NOTCH2: variants seen among roughly 807,000 people sequenced by gnomAD.
The protein encoded by NOTCH2 is neurogenic locus notch homolog protein 2.
NOTCH2 carries 29 observed loss-of-function variants against 235.8 expected under a neutral mutation model. That is an observed-to-expected ratio of 0.12 (90% CI 0.09 to 0.17). The LOEUF (loss-of-function observed/expected upper bound fraction) is 0.17. Ranked by LOEUF, NOTCH2 falls within the 10% of genes least tolerant of loss-of-function variation. The pLI, the probability that NOTCH2 is intolerant of heterozygous loss-of-function variation, is 1.00. For missense variants in NOTCH2, 2,285 were observed against 3,150.2 expected, an observed-to-expected ratio of 0.73 and a Z score of 6.57; for synonymous variants, 1,086 against 1,141.5, an observed-to-expected ratio of 0.95 and a Z score of 0.98.
intron 22 of NOTCH2, among the ~76,000 whole-genome samples, chr1:119,934,333 T>G (rs1649772849): frequency 6.6e-6 from 1 of 152,148 alleles, no homozygotes; most frequent in South Asian, 2.1e-4. Context: ...AATAAATTAC[T>G]TAGTCTCAGG....
chr1:119,929,318 T>C, intron 22 of NOTCH2, 106 bp from the exon 23 acceptor site: 2 of 894,342 alleles, frequency 2.2e-6, no homozygotes, highest in East Asian at 2.5e-5. Context: ...CAGAGTATAC[T>C]CCTCAACTGG....
In NOTCH2 at chr1:119,921,823, A is replaced by G. The variant is rs1371004032; in HGVS notation, c.5214-14T>C. 6 of 1,598,102 alleles carry G rather than the reference A, an allele frequency of 3.8e-6. No individual in the cohort carries two copies. The highest frequency in any genetic ancestry group is 2.2e-5 in the South Asian group (2 of 90,740). ...ACTGAGAGATTTCTAATATGATTAT[A>G]AAAAGAAAAAATAAGAATGGCAGTC... On this transcript the variant is annotated splice_polypyrimidine_tract_variant and intron_variant, in intron 28 of 33. Transcript: ENST00000256646.
intron 3 of NOTCH2, among the ~76,000 whole-genome samples, chr1:120,001,792 T>C (rs1352033861): frequency 3.9e-5 from 6 of 152,208 alleles, no homozygotes; most frequent in African/African-American, 1.2e-4. Context: ...CCACACAGCA[T>C]TGCCTCTAAC....
At position 119,981,067 on chromosome 1, in the gene NOTCH2, C is replaced by G. The variant is rs1570712871; in HGVS notation, c.874+5893G>C. 2.0e-5 allele frequency among the ~76,000 whole-genome samples: 3 copies of G among 152,164 alleles called. No homozygotes were observed. In the South Asian group the frequency reaches 6.2e-4, roughly 31 times the overall value. On this transcript the variant is annotated intron_variant, in intron 5 of 33. Transcript: ENST00000256646. ...GACACATTCCATGGTAACCCTGAGT[C>G]TCTCGTCCCTGCCTGTATTCTGAGC...
chr1:119,924,735 G>A (rs950041243), intron 25 of NOTCH2, among the ~76,000 whole-genome samples: 4 of 152,200 alleles, frequency 2.6e-5, no homozygotes. Context: ...TTGGGCCTAA[G>A]TTCTCTCACC....
rs3899528 is a variant in NOTCH2, at chr1:119,997,068, G to T, written c.680C>A (p.Pro227His). 1 of 1,614,008 alleles carries T rather than the reference G, an allele frequency of 6.2e-7. No individual in the cohort carries two copies. ...GGTGCCTCCATTGACACAAGGTGAG[G>T]GTGCACAGGGCACATACAGGCTGTC... ...YCDSLYVPCA[P>H]SPCVNGGTCR... The change falls in exon 4 of 34, where the codon CCC becomes CAC. Residue 227 changes from proline (P) to histidine (H), a missense_variant. Around this residue, in one of 6 missense-constraint regions of NOTCH2, gnomAD observed 431 missense variants for 757.8 expected, o/e 0.57. Coordinates refer to ENST00000256646, the MANE Select transcript of NOTCH2 (RefSeq NM_024408.4).
intron 2 of NOTCH2, among the ~76,000 whole-genome samples, chr1:120,014,991 CT>C (rs60671945): frequency 0.64 from 80,319 of 126,232 alleles, 28,927 homozygotes; most frequent in Non-Finnish European, 0.81. Flanking sequence ...CTGTCTTTAG[CT>C]TTTTTTTTTT....
At chr1:119,922,184 T>C in intron 28 of NOTCH2, 52 bp downstream of exon 28, 17 of 1,550,030 alleles carry the variant, frequency 1.1e-5, no homozygotes, top group Non-Finnish European at 1.5e-5. Context: ...TATGCTTTTC[T>C]AGTCATCCCT....
At chr1:119,975,773 G>A (rs1392530893) in intron 5 of NOTCH2, among the ~76,000 whole-genome samples, 1 of 152,098 alleles carries the variant, frequency 6.6e-6, no homozygotes, top group African/African-American at 2.4e-5. Flanking sequence ...TCAGCCAAGT[G>A]AGCCAAAGAC....
chr1:120,015,040 A>C (rs587695928), intron 2 of NOTCH2, among the ~76,000 whole-genome samples: 22 of 150,576 alleles, frequency 1.5e-4, no homozygotes, highest in Admixed American at 5.9e-4. Flanking sequence ...TCAAAAAAAA[A>C]CAACAACAAC....
chr1:119,923,928 T>C lies in NOTCH2; in HGVS notation c.4568A>G (p.Asn1523Ser). ...CCCATCCCAACCACACTCCTCACTG[T>C]TGCACCCCTGGTCACAGTGGTTGTC... ...FKDNHCDQGC[N>S]SEECGWDGLD... Residue 1523 changes from asparagine to serine, a missense_variant, in exon 26 of 34, where the codon AAC becomes AGC. Asn to Ser is a conservative substitution (Grantham distance 46). Transcript: ENST00000256646. 6.2e-7 allele frequency: 1 copy of C among 1,614,202 alleles called. No individual in the cohort carries two copies. Among genetic ancestry groups the C allele is most frequent in the Non-Finnish European group, 8.5e-7 (1 of 1,180,030 alleles).
chr1:119,939,061 T>C (rs1194870605), intron 19 of NOTCH2, among the ~76,000 whole-genome samples: 1 of 152,132 alleles, frequency 6.6e-6, no homozygotes, highest in Admixed American at 6.5e-5. Flanking sequence ...TGGGACAATG[T>C]AGACATGTCC....
chr1:120,051,228 A>AACACACACACAC (rs57313347), intron 1 of NOTCH2, among the ~76,000 whole-genome samples: 3 of 80,508 alleles, frequency 3.7e-5, no homozygotes, highest in East Asian at 2.7e-4. Flanking sequence ...TCCTCCTCCC[A>AACACACACACAC]ACACACACAC....
chr1:119,984,878 G>A (rs939973560), intron 5 of NOTCH2, among the ~76,000 whole-genome samples: 4 of 152,160 alleles, frequency 2.6e-5, no homozygotes, highest in Non-Finnish European at 4.4e-5. Flanking sequence ...TCAGCCTGGA[G>A]CAAGATCAGG....
chr1:120,017,503 A>G (rs1553208289), intron 2 of NOTCH2, among the ~76,000 whole-genome samples: 2 of 152,188 alleles, frequency 1.3e-5, no homozygotes, highest in Admixed American at 6.6e-5. Context: ...GAAGGCATTC[A>G]ACTATTCAGT....
intron 4 of NOTCH2, chr1:119,994,422 T>C (rs1245192565): frequency 7.1e-5 from 8 of 112,276 alleles, no homozygotes; most frequent in African/African-American, 3.3e-4. Flanking sequence ...TTTCCTTCTA[T>C]ATATTTATCC....
At position 119,963,485 on chromosome 1, in the gene NOTCH2, G is replaced by A. The variant is rs2934381; in HGVS notation, c.1915+89C>T. 0.12 allele frequency: 144,677 copies of A among 1,185,224 alleles called. 11,221 individuals carry two copies. Among genetic ancestry groups the A allele is most frequent in the African/African-American group, 0.33 (21,977 of 66,742 alleles). The allele number at this position is 1,185,224 out of a possible 1,614,324, so 73.4% of individuals were successfully genotyped here. Reference sequence around the variant, plus strand: ...AATCAGGACTGTTTTTTAGGTATCTGAGCATATGCCAACAGTCTGAAACAT... The same window carrying A: ...AATCAGGACTGTTTTTTAGGTATCTAAGCATATGCCAACAGTCTGAAACAT... On this transcript the variant is annotated intron_variant, in intron 11 of 33. Transcript: ENST00000256646.
rs1652394916 is a variant in NOTCH2, at chr1:119,995,238, GT to G, written c.751+1758del. On this transcript the variant is annotated intron_variant, in intron 4 of 33. Coordinates refer to ENST00000256646, the MANE Select transcript of NOTCH2 (RefSeq NM_024408.4). ...CTCAGAATTCCCTAAGGTTCTTATC[GT>G]GGCTAATGGATAACAATGCAGAGGC... 2.1e-5 allele frequency: 3 copies of G among 145,208 alleles called. No homozygotes were observed. In the Admixed American group the frequency reaches 2.1e-4, roughly 10 times the overall value. 9.0% of individuals were successfully genotyped at this position (145,208 alleles called of 1,614,324 possible).
Position 119,921,702 on chromosome 1 carries a change from G to A in NOTCH2, c.5310+11C>T. 1 of 1,609,088 alleles carries A rather than the reference G, an allele frequency of 6.2e-7. No homozygotes were observed. Among genetic ancestry groups the A allele is most frequent in the Non-Finnish European group, 8.5e-7 (1 of 1,175,454 alleles). ...TGGCTGACAATGGTGGTTCTACCAT[G>A]GCCACCTCACCTTTACTTTCTTTGG... is the stretch of plus-strand genomic sequence containing the variant. On this transcript the variant is annotated intron_variant, in intron 29 of 33. Coordinates refer to ENST00000256646, the MANE Select transcript of NOTCH2 (RefSeq NM_024408.4).
Sources: allele counts gnomAD v4.1 joint callset (sites outside exome capture counted in the v4.1 genomes callset), GRCh38; gene constraint gnomAD v4.1.1; regional missense constraint gnomAD v4.1.1; transcripts MANE v1.5; gene names NCBI Gene and HGNC (gene_info 2026-07-23, HGNC 2026-07-21).